ELMO1: variants seen among roughly 807,000 people sequenced by gnomAD.
The protein encoded by ELMO1 is engulfment and cell motility 1.
A neutral mutation model predicts 98.9 loss-of-function variants in ELMO1; 26 were observed. The observed-to-expected ratio is 0.26, with a 90% CI of 0.19 to 0.36. The LOEUF (loss-of-function observed/expected upper bound fraction) is 0.36. Among genes scored for constraint, ELMO1 ranks in the 10% least tolerant of loss-of-function variants. ELMO1 has a pLI of 1.00. For synonymous variants in ELMO1, 346 were observed against 346.0 expected, an observed-to-expected ratio of 1.00 and a Z score of 0.00; for missense variants, 627 against 935.2, an observed-to-expected ratio of 0.67 and a Z score of 4.30.
intron 1 of ELMO1, among the ~76,000 whole-genome samples, chr7:37,378,297 T>G (rs1038766442): frequency 7.9e-5 from 12 of 152,060 alleles, no homozygotes; most frequent in Admixed American, 5.9e-4. Context: ...TGTACAAGAA[T>G]CTAGACCAGA....
intron 6 of ELMO1, among the ~76,000 whole-genome samples, chr7:37,258,262 A>C (rs897354975): frequency 1.1e-4 from 16 of 147,450 alleles, no homozygotes; most frequent in African/African-American, 4.0e-4. Context: ...GTGAGACTCC[A>C]TCTACCAAAA....
chr7:37,345,487 A>G (rs949438386), intron 1 of ELMO1, among the ~76,000 whole-genome samples: 2 of 152,090 alleles, frequency 1.3e-5, no homozygotes, highest in Admixed American at 6.6e-5. Context: ...AGGCGGGTGG[A>G]TCACTTGAGG....
At chr7:37,340,170 G>A (rs191527923) in intron 2 of ELMO1, among the ~76,000 whole-genome samples, 8 of 152,276 alleles carry the variant, frequency 5.3e-5, no homozygotes, top group African/African-American at 1.7e-4. Flanking sequence ...TATGGATTAC[G>A]AACTGTGAAT....
At chr7:37,178,569 T>G (rs984057135) in intron 13 of ELMO1, among the ~76,000 whole-genome samples, 2 of 151,888 alleles carry the variant, frequency 1.3e-5, no homozygotes, top group East Asian at 1.9e-4. Context: ...ACCACTGCAC[T>G]CCAGCCTGGG....
chr7:37,236,986 A>G (rs983388047), intron 7 of ELMO1, among the ~76,000 whole-genome samples: 1 of 152,150 alleles, frequency 6.6e-6, no homozygotes, highest in African/African-American at 2.4e-5. Context: ...GAACATTTTT[A>G]TTTGTTTGGA....
chr7:36,896,083 G>A lies in ELMO1; in HGVS notation c.1438-1066C>T, dbSNP rs114526600. Reference sequence around the variant, plus strand: ...GCTGCCACCCATGCCACCATTCTTCGTGTCATTTGGGAACTTAAAAATAAG... The same window carrying A: ...GCTGCCACCCATGCCACCATTCTTCATGTCATTTGGGAACTTAAAAATAAG... On this transcript the variant is annotated intron_variant, in intron 16 of 21. Transcript: ENST00000310758. Among the ~76,000 whole-genome samples the A allele has an allele frequency of 4.3e-3, 656 of 152,242 alleles. 8 individuals carry two copies. Among genetic ancestry groups the A allele is most frequent in the African/African-American group, 0.015 (637 of 41,538 alleles).
chr7:37,143,955 C>T (rs952203838), intron 13 of ELMO1, among the ~76,000 whole-genome samples: 1 of 152,080 alleles, frequency 6.6e-6, no homozygotes, highest in Non-Finnish European at 1.5e-5. Context: ...AGGTAATCCA[C>T]CCGCCTTGGC....
At chr7:37,195,998 G>A (rs1411014777) in intron 13 of ELMO1, among the ~76,000 whole-genome samples, 1 of 152,186 alleles carries the variant, frequency 6.6e-6, no homozygotes, top group East Asian at 1.9e-4. Flanking sequence ...AGTGAAGGCC[G>A]ATTTCTGGGT....
At chr7:37,163,346 T>TTG (rs1789368477) in intron 13 of ELMO1, among the ~76,000 whole-genome samples, 1 of 38,030 alleles carries the variant, frequency 2.6e-5, no homozygotes, top group Non-Finnish European at 6.3e-5. Context: ...TCTTTTTTTT[T>TTG]TTTTTTATTA....
intron 15 of ELMO1, among the ~76,000 whole-genome samples, chr7:37,029,641 A>G (rs557408142): frequency 4.9e-4 from 74 of 152,196 alleles, no homozygotes; most frequent in Non-Finnish European, 7.8e-4. Context: ...CAGTTAATAA[A>G]AATTATTTGC....
intron 20 of ELMO1, among the ~76,000 whole-genome samples, chr7:36,865,864 C>CTGAA (rs954735488): frequency 3.3e-5 from 5 of 152,138 alleles, no homozygotes; most frequent in African/African-American, 4.8e-5. Context: ...CAATACATTG[C>CTGAA]TGAATGAATG....
intron 16 of ELMO1, among the ~76,000 whole-genome samples, chr7:36,993,878 G>A (rs1430299843): frequency 1.3e-5 from 2 of 152,216 alleles, no homozygotes; most frequent in Admixed American, 6.5e-5. Context: ...TGAAAAGCAT[G>A]AGAACGACGA....
intron 4 of ELMO1, among the ~76,000 whole-genome samples, chr7:37,285,305 A>G (rs1487015031): frequency 6.6e-6 from 1 of 152,214 alleles, no homozygotes; most frequent in Non-Finnish European, 1.5e-5. Flanking sequence ...TTTTACTCAC[A>G]ACTAACCAGC....
chr7:37,178,200 G>A lies in ELMO1; in HGVS notation c.1086+33186C>T, dbSNP rs181820097. On this transcript the variant is annotated intron_variant, in intron 13 of 21. Transcript: ENST00000310758. Reference sequence around the variant, plus strand: ...ATGGACTCACAGTGCCACGTGGCTGGGGAGGCCTCACAATCATGGCGGAAG... The same window carrying A: ...ATGGACTCACAGTGCCACGTGGCTGAGGAGGCCTCACAATCATGGCGGAAG... Among the ~76,000 whole-genome samples, 288 of 152,030 alleles carry A rather than the reference G, an allele frequency of 1.9e-3. 1 individual carries two copies. The highest frequency in any genetic ancestry group is 6.6e-3 in the African/African-American group (274 of 41,478).
At chr7:37,161,962 C>A (rs1789250838) in intron 13 of ELMO1, among the ~76,000 whole-genome samples, 1 of 90,592 alleles carries the variant, frequency 1.1e-5, no homozygotes, top group Non-Finnish European at 2.3e-5. Context: ...TCTTCCACAT[C>A]ATCTCAAGTG....
chr7:37,223,330 A>G (rs1384594601), intron 9 of ELMO1, among the ~76,000 whole-genome samples: 1 of 152,214 alleles, frequency 6.6e-6, no homozygotes, highest in African/African-American at 2.4e-5. Flanking sequence ...TATGAGCTAC[A>G]TTTAGGAATA....
intron 1 of ELMO1, chr7:37,375,467 C>A (rs562051856): frequency 4.4e-6 from 3 of 683,758 alleles, no homozygotes; most frequent in Non-Finnish European, 7.8e-6. Flanking sequence ...AGGTTCGAAG[C>A]AAGATGGAGT....
At chr7:37,177,783 T>G (rs531004247) in intron 13 of ELMO1, among the ~76,000 whole-genome samples, 1 of 152,334 alleles carries the variant, frequency 6.6e-6, no homozygotes, top group African/African-American at 2.4e-5. Flanking sequence ...TGGTATATAC[T>G]GGGACCTAGA....
intron 16 of ELMO1, among the ~76,000 whole-genome samples, chr7:36,913,534 T>C (rs967333782): frequency 2.0e-5 from 3 of 152,230 alleles, no homozygotes; most frequent in Non-Finnish European, 1.5e-5. Flanking sequence ...GTGTTCAACA[T>C]TCTTACTGTC....
Sources: gnomAD v4.1 joint callset for allele counts (sites outside exome capture counted in the v4.1 genomes callset) on GRCh38, gnomAD v4.1.1 for gene constraint, MANE v1.5 for transcripts, NCBI Gene and HGNC (gene_info 2026-07-23, HGNC 2026-07-21) for gene names.